The following RELCH variants were observed in gnomAD, a reference collection of about 807,000 sequenced individuals.
RELCH encodes RAB11 binding and LisH domain, coiled-coil and HEAT repeat containing.
A neutral mutation model predicts 150.3 loss-of-function variants in RELCH; 41 were observed. The observed-to-expected ratio is 0.27, with a 90% CI of 0.21 to 0.35. The LOEUF (loss-of-function observed/expected upper bound fraction) is 0.35, where lower values mean the gene tolerates loss of function less well. RELCH is among the 10% of genes least tolerant of loss of function. The probability of loss-of-function intolerance (pLI) is 1.00; values close to 1 mark genes in which losing one functional copy is unlikely to be tolerated. For missense variants in RELCH, 1,092 were observed against 1,467.8 expected (o/e 0.74, Z 4.18); for synonymous variants, 478 against 531.8 (o/e 0.90, Z 1.39).
intron 5 of RELCH, 37 bp from the exon 6 acceptor site, chr18:62,227,252 C>T (rs747281340): frequency 1.5e-6 from 2 of 1,345,998 alleles, no homozygotes; most frequent in South Asian, 2.6e-5. Flanking sequence ...GATAAAATTT[C>T]CTCGAAGATT....
At chr18:62,222,525 A>T (rs111638201) in intron 5 of RELCH, among the ~76,000 whole-genome samples, 1 of 152,116 alleles carries the variant, frequency 6.6e-6, no homozygotes, top group African/African-American at 2.4e-5. Flanking sequence ...GATGGAATAC[A>T]TAGAAAACAG....
At chr18:62,254,702 C>T (rs1379525950) in intron 12 of RELCH, 1 of 152,010 alleles carries the variant, frequency 6.6e-6, no homozygotes, top group African/African-American at 2.4e-5. Context: ...GCATCCAATA[C>T]ATTAATGAAT....
At chr18:62,225,171 C>T (rs1168417219) in intron 5 of RELCH, among the ~76,000 whole-genome samples, 4 of 151,458 alleles carry the variant, frequency 2.6e-5, no homozygotes, top group Admixed American at 2.6e-4. Context: ...AAACATCAAA[C>T]CATACCATAT....
intron 2 of RELCH, among the ~76,000 whole-genome samples, chr18:62,216,011 T>C (rs1399447550): frequency 6.6e-6 from 1 of 152,134 alleles, no homozygotes; most frequent in Admixed American, 6.5e-5. Context: ...ACCAATGAGT[T>C]TAATATAGGT....
chr18:62,190,211 T>A (rs2148156344), intron 1 of RELCH, among the ~76,000 whole-genome samples: 1 of 152,340 alleles, frequency 6.6e-6, no homozygotes, highest in South Asian at 2.1e-4. Flanking sequence ...AAAATTTGCA[T>A]ACAGTAAAAT....
At chr18:62,196,217 C>T (rs1475872304) in intron 1 of RELCH, among the ~76,000 whole-genome samples, 1 of 151,160 alleles carries the variant, frequency 6.6e-6, no homozygotes, top group Non-Finnish European at 1.5e-5. Flanking sequence ...AATACCAGCG[C>T]AATTTTTCTT....
At chr18:62,207,685 A>G (rs1163477383) in intron 1 of RELCH, among the ~76,000 whole-genome samples, 1 of 152,228 alleles carries the variant, frequency 6.6e-6, no homozygotes, top group Non-Finnish European at 1.5e-5. Flanking sequence ...AATAATTCAT[A>G]TACCATCAAT....
chr18:62,203,406 G>A (rs1269798374), intron 1 of RELCH, among the ~76,000 whole-genome samples: 4 of 152,048 alleles, frequency 2.6e-5, no homozygotes, highest in South Asian at 4.1e-4. Context: ...GCAGTGAGCC[G>A]AGATTGCGCC....
At chr18:62,208,011 A>G (rs1010008117) in intron 1 of RELCH, among the ~76,000 whole-genome samples, 1 of 152,218 alleles carries the variant, frequency 6.6e-6, no homozygotes, top group Non-Finnish European at 1.5e-5. Flanking sequence ...ACTTTACATT[A>G]AGAAGAGTGA....
chr18:62,252,628 A>T, intron 11 of RELCH, 36 bp from the exon 12 acceptor site: 1 of 1,529,862 alleles, frequency 6.5e-7, no homozygotes, highest in Non-Finnish European at 9.1e-7. Context: ...GTGCTTTCTC[A>T]TGCAAATACA....
chr18:62,207,492 C>CTATA (rs1368943531), intron 1 of RELCH, among the ~76,000 whole-genome samples: 4 of 152,166 alleles, frequency 2.6e-5, no homozygotes, highest in African/African-American at 7.2e-5. Flanking sequence ...TGGACATATA[C>CTATA]TGTCCTTTCT....
At chr18:62,264,936 C>T (rs2043469183) in intron 18 of RELCH, 84 bp downstream of exon 18, 2 of 1,086,590 alleles carry the variant, frequency 1.8e-6, no homozygotes, top group African/African-American at 1.6e-5. Context: ...TAAATAAAAG[C>T]ATGAACCATT....
intron 19 of RELCH, among the ~76,000 whole-genome samples, chr18:62,267,689 G>A (rs972179453): frequency 6.6e-6 from 1 of 151,498 alleles, no homozygotes; most frequent in Non-Finnish European, 1.5e-5. Flanking sequence ...AACTCCTAAT[G>A]TTTATTTTTA....
At chr18:62,205,112 A>G (rs901512509) in intron 1 of RELCH, among the ~76,000 whole-genome samples, 7 of 152,200 alleles carry the variant, frequency 4.6e-5, no homozygotes, top group Non-Finnish European at 8.8e-5. Context: ...CATCAACAGT[A>G]CATCTTATTT....
At chr18:62,275,545 T>G (rs551757409) in intron 22 of RELCH, 72 bp downstream of exon 22, 1 of 925,240 alleles carries the variant, frequency 1.1e-6, no homozygotes, top group African/African-American at 1.7e-5. Flanking sequence ...GAAGGGAATT[T>G]TTTTTAATAA....
In RELCH at chr18:62,274,056, A is replaced by G. The variant is rs2144848389; in HGVS notation, c.2837A>G (p.Asp946Gly). ...CTTTCATTATCTCATGCTCCTCTTG[A>G]TAGCCTGAAGGCTTCTTTTGTGGAA... ...TLLSLSHAPL[D>G]SLKASFVELG... Residue 946 changes from aspartate (D) to glycine (G), a missense_variant, in exon 21 of 29, where the codon GAT becomes GGT. Around this residue, in one of 4 missense-constraint regions of RELCH, gnomAD observed 707 missense variants for 1,025.4 expected, o/e 0.69. Transcript: ENST00000644646. 1 of 1,612,462 alleles carries G rather than the reference A, an allele frequency of 6.2e-7. No individual in the cohort carries two copies. The highest frequency in any genetic ancestry group is 1.1e-5 in the South Asian group (1 of 91,024).
intron 28 of RELCH, among the ~76,000 whole-genome samples, chr18:62,304,515 G>A (rs1467386342): frequency 2.6e-5 from 4 of 152,226 alleles, no homozygotes; most frequent in African/African-American, 9.6e-5. Flanking sequence ...TCTTTGACAT[G>A]TTCAAACACA....
chr18:62,274,031 C>T lies in RELCH; in HGVS notation c.2812C>T (p.Leu938Phe). The T allele has an allele frequency of 5.6e-6, 9 of 1,613,132 alleles. No individual in the cohort carries two copies. The highest frequency in any genetic ancestry group is 6.8e-6 in the Non-Finnish European group (8 of 1,179,404). ...VGFLEDVMTL[L>F]SLSHAPLDSL... ...ATTCTTAGAAGATGTAATGACGCTG[C>T]TTTCATTATCTCATGCTCCTCTTGA... is the stretch of plus-strand genomic sequence containing the variant. The change falls in exon 21 of 29, where the codon CTT becomes TTT. Residue 938 changes from leucine (L) to phenylalanine (F), a missense_variant. By Grantham distance (22) the Leu-to-Phe change is conservative. Transcript: ENST00000644646.
rs1446886096 is a variant in RELCH at position 62,274,193 on chromosome 18, T to C, written c.2867+107T>C. 8.8e-6 allele frequency: 6 copies of C among 685,438 alleles called. No homozygotes were observed. The African/African-American group carries it at 1.1e-4, about 13-fold the overall frequency. 42.5% of individuals were successfully genotyped at this position (685,438 alleles called of 1,614,324 possible). ...AAAGAGTTGACATGCACACCAATTC[T>C]CTTGGTTTTGAAACTTAAGGGTTTT... is the stretch of plus-strand genomic sequence containing the variant. On this transcript the variant is annotated intron_variant, in intron 21 of 28. Coordinates refer to ENST00000644646, the MANE Select transcript of RELCH (RefSeq NM_001346231.2).
Sources: gnomAD v4.1 joint callset for allele counts (sites outside exome capture counted in the v4.1 genomes callset) on GRCh38, gnomAD v4.1.1 for gene constraint, gnomAD v4.1.1 regional missense constraint, MANE v1.5 for transcripts, NCBI Gene and HGNC (gene_info 2026-07-23, HGNC 2026-07-21) for gene names.